CYFIP1: variants seen among roughly 807,000 people sequenced by gnomAD.
CYFIP1 encodes the protein cytoplasmic FMR1-interacting protein 1.
CYFIP1 carries 58 observed loss-of-function variants against 163.5 expected under a neutral mutation model. The observed-to-expected ratio is 0.35, with a 90% CI of 0.29 to 0.44. The LOEUF is 0.44. CYFIP1 is among the 20% of genes least tolerant of loss of function. The probability of loss-of-function intolerance (pLI) is 1.00; values close to 1 mark genes in which losing one functional copy is unlikely to be tolerated. For missense variants in CYFIP1, 1,338 were observed against 1,653.8 expected, an observed-to-expected ratio of 0.81 and a Z score of 3.31; for synonymous variants, 663 against 660.7, an observed-to-expected ratio of 1.00 and a Z score of -0.05.
intron 22 of CYFIP1, among the ~76,000 whole-genome samples, chr15:22,901,516 A>G (rs1165774633): frequency 6.6e-6 from 1 of 152,184 alleles, no homozygotes; most frequent in Admixed American, 6.5e-5. Flanking sequence ...CCCTCCATCT[A>G]TGGTCTTCTG....
At chr15:22,879,081 A>G (rs1226715795) in intron 26 of CYFIP1, among the ~76,000 whole-genome samples, 1 of 151,612 alleles carries the variant, frequency 6.6e-6, no homozygotes, top group Non-Finnish European at 1.5e-5. Flanking sequence ...GCTTGCAGTG[A>G]GCCAACATCA....
At chr15:22,965,462 C>A (rs1372524063) in intron 1 of CYFIP1, among the ~76,000 whole-genome samples, 1 of 152,222 alleles carries the variant, frequency 6.6e-6, no homozygotes, top group Non-Finnish European at 1.5e-5. Flanking sequence ...TACACAAATA[C>A]TCTTAACCAC....
At chr15:22,892,821 T>C in intron 23 of CYFIP1, 69 bp downstream of exon 23, 1 of 1,224,762 alleles carries the variant, frequency 8.2e-7, no homozygotes, top group South Asian at 1.2e-5. Context: ...ACCAAACCAA[T>C]TAAACTACAC....
chr15:22,977,752 A>C (rs1414602898), intron 1 of CYFIP1, among the ~76,000 whole-genome samples: 1 of 151,864 alleles, frequency 6.6e-6, no homozygotes, highest in Non-Finnish European at 1.5e-5. Flanking sequence ...AATTGCTTGA[A>C]CCCAGGAGGT....
At position 22,927,934 on chromosome 15, in the gene CYFIP1, G is replaced by A. The variant is rs763039703; in HGVS notation, c.1205C>T (p.Ser402Leu). 4.4e-6 allele frequency: 7 copies of A among 1,606,490 alleles called. No individual in the cohort carries two copies. The highest frequency in any genetic ancestry group is 5.9e-6 in the Non-Finnish European group (7 of 1,178,030). Residue 402 changes from serine (S) to leucine (L), a missense_variant, in exon 12 of 31, where the codon TCG becomes TTG. Coordinates refer to ENST00000617928, the MANE Select transcript of CYFIP1 (RefSeq NM_014608.6). ...DLALQGLQLL[S>L]QWSAHVMEVY... ...TTCCATCACGTGCGCGCTCCACTGC[G>A]ACAACAGCTGCAGGCCCTGCAGCGC...
intron 25 of CYFIP1, among the ~76,000 whole-genome samples, chr15:22,880,831 C>T (rs2059740137): frequency 6.6e-6 from 1 of 152,152 alleles, no homozygotes; most frequent in South Asian, 2.1e-4. Context: ...AGGGACTCAG[C>T]CCCACTTGGC....
chr15:22,912,813 T>C (rs78367332), intron 17 of CYFIP1, among the ~76,000 whole-genome samples: 2,335 of 151,924 alleles, frequency 0.015, 65 homozygotes, highest in African/African-American at 0.054. Context: ...CCCAGCTACT[T>C]GGGAGGCTGA....
At chr15:22,958,719 T>A (rs976533984) in intron 1 of CYFIP1, among the ~76,000 whole-genome samples, 1 of 152,186 alleles carries the variant, frequency 6.6e-6, no homozygotes, top group Non-Finnish European at 1.5e-5. Flanking sequence ...CACTCACCTC[T>A]GCTTCTCTTC....
At chr15:22,925,878 G>C in intron 13 of CYFIP1, 104 bp downstream of exon 13, 1 of 1,506,290 alleles carries the variant, frequency 6.6e-7, no homozygotes, top group Non-Finnish European at 9.0e-7. Context: ...CCACACAGAA[G>C]CAATGAGTAA....
rs964355328 is a variant in CYFIP1 at position 22,879,153 on chromosome 15, A to G, written c.3042+760T>C. ...TCCGTCTCAAAAAAAAAAAAAAAGA[A>G]AAAGAAAATAGGCCGAAGAACTCAA... is the stretch of plus-strand genomic sequence containing the variant. On this transcript the variant is annotated intron_variant, in intron 26 of 30. Coordinates refer to ENST00000617928, the MANE Select transcript of CYFIP1 (RefSeq NM_014608.6). Among the ~76,000 whole-genome samples, 11 of 152,212 alleles carry G rather than the reference A, an allele frequency of 7.2e-5. No individual in the cohort carries two copies. The East Asian group carries it at 7.7e-4, about 11-fold the overall frequency.
chr15:22,920,369 T>A (rs745661923), intron 13 of CYFIP1, among the ~76,000 whole-genome samples: 4 of 151,988 alleles, frequency 2.6e-5, no homozygotes, highest in Non-Finnish European at 4.4e-5. Flanking sequence ...TGGTTTGAAG[T>A]TCACTTAGCA....
At chr15:22,947,644 CT>C in intron 1 of CYFIP1, among the ~76,000 whole-genome samples, 1 of 152,260 alleles carries the variant, frequency 6.6e-6, no homozygotes, top group Non-Finnish European at 1.5e-5. Flanking sequence ...TGACGACCCC[CT>C]CAAAGTGCTG....
chr15:22,958,337 C>T (rs935293730), intron 1 of CYFIP1, among the ~76,000 whole-genome samples: 38 of 152,138 alleles, frequency 2.5e-4, no homozygotes, highest in Non-Finnish European at 2.9e-5. Context: ...CTGCCTGCCT[C>T]GGCCTCTCCA....
At chr15:22,930,580 A>C (rs186510992) in intron 11 of CYFIP1, among the ~76,000 whole-genome samples, 1 of 152,196 alleles carries the variant, frequency 6.6e-6, no homozygotes, top group African/African-American at 2.4e-5. Flanking sequence ...TGTCCTGATG[A>C]TCCTGACCCC....
At chr15:22,935,961 G>C (rs1211753487) in intron 9 of CYFIP1, among the ~76,000 whole-genome samples, 1 of 152,156 alleles carries the variant, frequency 6.6e-6, no homozygotes, top group African/African-American at 2.4e-5. Flanking sequence ...AGGCCTCTTA[G>C]GGGAGAATAC....
At chr15:22,889,373 C>G (rs2060008577) in intron 23 of CYFIP1, among the ~76,000 whole-genome samples, 1 of 152,192 alleles carries the variant, frequency 6.6e-6, no homozygotes, top group African/African-American at 2.4e-5. Context: ...CGCACCACCA[C>G]CCTGGAACAG....
intron 11 of CYFIP1, among the ~76,000 whole-genome samples, chr15:22,931,672 TATA>T (rs1359300886): frequency 1.7e-5 from 2 of 118,322 alleles, no homozygotes; most frequent in Admixed American, 1.0e-4. Flanking sequence ...TTGGGATCCC[TATA>T]ATGTTTTTCT....
intron 1 of CYFIP1, among the ~76,000 whole-genome samples, chr15:22,976,389 C>T (rs1047987986): frequency 3.3e-5 from 5 of 152,188 alleles, no homozygotes; most frequent in Non-Finnish European, 5.9e-5. Flanking sequence ...AACTCCTGCC[C>T]TTGTGATCCG....
chr15:22,930,389 C>CCAA (rs1555412977), intron 11 of CYFIP1, among the ~76,000 whole-genome samples: 4 of 114,094 alleles, frequency 3.5e-5, no homozygotes, highest in Admixed American at 1.1e-4. Flanking sequence ...CCGTCTCACC[C>CCAA]AAAAAAAAAA....
Sources: allele counts gnomAD v4.1 joint callset (sites outside exome capture counted in the v4.1 genomes callset), GRCh38; gene constraint gnomAD v4.1.1; transcripts MANE v1.5; gene names NCBI Gene and HGNC (gene_info 2026-07-23, HGNC 2026-07-21).